SYNE1: variants seen among roughly 807,000 people sequenced by gnomAD.
SYNE1 encodes the protein spectrin repeat containing nuclear envelope protein 1, also known as nesprin-1.
SYNE1 carries 616 observed loss-of-function variants against 1,111.0 expected under a neutral mutation model. The ratio of observed to expected loss-of-function variants is 0.55; its 90% CI spans 0.52 to 0.59. SYNE1 has a LOEUF of 0.59. SYNE1 is among the 20% of genes least tolerant of loss of function. SYNE1 has a pLI of 0.00. For missense variants in SYNE1, 10,006 were observed against 10,417.0 expected (o/e 0.96, Z 1.72); for synonymous variants, 3,855 against 3,825.8 (o/e 1.01, Z -0.28).
chr6:152,295,612 ACTG>A (rs2094834732), intron 93 of SYNE1, among the ~76,000 whole-genome samples: 1 of 149,650 alleles, frequency 6.7e-6, no homozygotes, highest in Admixed American at 6.7e-5. Flanking sequence ...TGTGTGTGTT[ACTG>A]ACACACACAC....
rs1378917474 is a variant in SYNE1 at position 152,293,572 on chromosome 6, T to A, written c.18012+16A>T. On this transcript the variant is annotated intron_variant, in intron 95 of 145. Coordinates refer to ENST00000367255, the MANE Select transcript of SYNE1 (RefSeq NM_182961.4). The stretch of plus-strand genomic sequence containing the variant: ...TATTCAATCAAGTAGGAAACTGAAG[T>A]CATGGCTATTTGTACCTGATGTTCA... The A allele has an allele frequency of 2.5e-6, 4 of 1,613,694 alleles. No homozygotes were observed. The South Asian group carries it at 4.4e-5, about 18-fold the overall frequency.
At position 152,294,061 on chromosome 6, in the gene SYNE1, TG is replaced by T; in HGVS notation, c.17748del (p.Ser5917AlafsTer31). On this transcript the variant is annotated frameshift_variant, in exon 94 of 146. Transcript: ENST00000367255. LOFTEE classifies it high-confidence loss of function. Reference protein sequence around the residue: ...RLQTDAAKIHPSTSASQEFYE... With the variant: ...RLQTDAAKIHXSTSASQEFYE... ...TAGAACTCCTGGGATGCGGATGTGC[TG>T]GGGTGAATTTTTGCAGCATCTGTCT... 6.2e-7 allele frequency: 1 copy of T among 1,613,996 alleles called. No individual in the cohort carries two copies. The highest frequency in any genetic ancestry group is 8.5e-7 in the Non-Finnish European group (1 of 1,180,016).
chr6:152,213,588 C>T (rs750807272), intron 123 of SYNE1, 24 bp downstream of exon 123: 47 of 1,613,760 alleles, frequency 2.9e-5, no homozygotes, highest in Admixed American at 6.7e-5. Flanking sequence ...TCTTATTACC[C>T]CCAAATCTAC....
At chr6:152,453,350 A>G (rs1396941779) in intron 25 of SYNE1, 5 of 641,848 alleles carry the variant, frequency 7.8e-6, no homozygotes, top group Non-Finnish European at 1.1e-5. Flanking sequence ...TCAGGAAACC[A>G]AAAAGAATGC....
At chr6:152,615,407 A>C (rs1276117104) in intron 3 of SYNE1, among the ~76,000 whole-genome samples, 2 of 142,652 alleles carry the variant, frequency 1.4e-5, no homozygotes, top group Non-Finnish European at 3.0e-5. Context: ...TGACTCCAAG[A>C]CTCAATGTTG....
intron 3 of SYNE1, among the ~76,000 whole-genome samples, chr6:152,596,834 A>G (rs770485526): frequency 6.6e-6 from 1 of 152,210 alleles, no homozygotes; most frequent in African/African-American, 2.4e-5. Context: ...TACATTTGGC[A>G]TTACAGACTT....
chr6:152,252,736 T>C (rs936777994), intron 104 of SYNE1, among the ~76,000 whole-genome samples: 21 of 152,238 alleles, frequency 1.4e-4, no homozygotes, highest in African/African-American at 3.9e-4. Flanking sequence ...CTCAACTAAA[T>C]TGGAACACAA....
intron 59 of SYNE1, among the ~76,000 whole-genome samples, chr6:152,370,781 A>G (rs1318733640): frequency 6.6e-6 from 1 of 152,222 alleles, no homozygotes; most frequent in Non-Finnish European, 1.5e-5. Context: ...CTAAGTGGCA[A>G]GAGCTAATGA....
intron 65 of SYNE1, 25 bp downstream of exon 65, chr6:152,359,290 C>A: frequency 6.2e-7 from 1 of 1,613,132 alleles, no homozygotes; most frequent in Non-Finnish European, 8.5e-7. Context: ...TTTGGTGAGT[C>A]TACAAGGAAA....
intron 45 of SYNE1, chr6:152,404,921 T>C (rs2097873401): frequency 6.6e-6 from 1 of 152,452 alleles, no homozygotes; most frequent in African/African-American, 2.4e-5. Flanking sequence ...CTTCATTAGT[T>C]ATATGAAACC....
At chr6:152,586,548 G>T (rs532799059) in intron 3 of SYNE1, among the ~76,000 whole-genome samples, 3,290 of 151,688 alleles carry the variant, frequency 0.022, 123 homozygotes, top group African/African-American at 0.075. Flanking sequence ...AATTATTTTT[G>T]TTATTTATTT....
intron 3 of SYNE1, among the ~76,000 whole-genome samples, chr6:152,603,074 G>A (rs2099600061): frequency 6.6e-6 from 1 of 152,148 alleles, no homozygotes; most frequent in Non-Finnish European, 1.5e-5. Context: ...TTCAGACTCA[G>A]ATCACTAGCC....
intron 46 of SYNE1, 71 bp downstream of exon 46, chr6:152,404,142 C>T (rs2097860501): frequency 1.0e-6 from 1 of 980,684 alleles, no homozygotes; most frequent in South Asian, 1.3e-5. Flanking sequence ...CACACAGAGA[C>T]AGAGAAAGTC....
At chr6:152,357,471 C>T (rs1275652276) in intron 66 of SYNE1, among the ~76,000 whole-genome samples, 1 of 152,168 alleles carries the variant, frequency 6.6e-6, no homozygotes, top group African/African-American at 2.4e-5. Context: ...CAACACATCA[C>T]TGGTGGGACA....
At chr6:152,481,163 G>T in intron 14 of SYNE1, 1 of 207,468 alleles carries the variant, frequency 4.8e-6, no homozygotes. Context: ...TACATTGTCT[G>T]GCATTTTCTC....
chr6:152,447,716 G>A (rs2154245591), intron 28 of SYNE1, 94 bp from the exon 29 acceptor site: 3 of 1,463,782 alleles, frequency 2.0e-6, no homozygotes, highest in South Asian at 2.3e-5. Flanking sequence ...GTTTGCAGGT[G>A]GAGCAGAATA....
At chr6:152,414,182 C>G (rs931353866) in intron 41 of SYNE1, among the ~76,000 whole-genome samples, 1 of 151,906 alleles carries the variant, frequency 6.6e-6, no homozygotes, top group African/African-American at 2.4e-5. Flanking sequence ...GGTGGGAGAA[C>G]TGCTTGAGAC....
At chr6:152,188,564 TA>T (rs1303351237) in intron 128 of SYNE1, among the ~76,000 whole-genome samples, 1 of 152,156 alleles carries the variant, frequency 6.6e-6, no homozygotes, top group African/African-American at 2.4e-5. Flanking sequence ...TCCACAGTAT[TA>T]GCTAATGTTG....
At chr6:152,179,464 C>T (rs568894672) in intron 129 of SYNE1, 40 of 143,726 alleles carry the variant, frequency 2.8e-4, no homozygotes, top group African/African-American at 1.0e-3. Context: ...GTGGCTTTAC[C>T]TTTTTAAAAC....
Sources: allele counts gnomAD v4.1 joint callset (sites outside exome capture counted in the v4.1 genomes callset), GRCh38; gene constraint gnomAD v4.1.1; transcripts MANE v1.5; gene names NCBI Gene and HGNC (gene_info 2026-07-23, HGNC 2026-07-21).